The following MCC variants were observed in gnomAD, a reference collection of about 807,000 sequenced individuals.
The protein encoded by MCC is MCC regulator of Wnt signaling pathway, also known as colorectal mutant cancer protein.
Under a neutral mutation model 116.2 loss-of-function variants are expected in MCC, and 90 were observed. The ratio of observed to expected loss-of-function variants is 0.77; its 90% CI spans 0.65 to 0.92. The LOEUF is 0.92. Ranked by LOEUF, MCC falls within the 40% of genes least tolerant of loss-of-function variation. The pLI is 0.00. For missense variants in MCC, 1,516 were observed against 1,312.2 expected (o/e 1.16, Z -2.40); for synonymous variants, 578 against 510.5 (o/e 1.13, Z -1.78).
chr5:113,441,900 G>C (rs931691514), intron 1 of MCC, among the ~76,000 whole-genome samples: 1 of 152,144 alleles, frequency 6.6e-6, no homozygotes, highest in Non-Finnish European at 1.5e-5. Flanking sequence ...ATCATTGGTG[G>C]ACATTTGGAT....
intron 1 of MCC, among the ~76,000 whole-genome samples, chr5:113,388,636 C>T (rs1271969360): frequency 1.3e-5 from 2 of 152,212 alleles, no homozygotes; most frequent in African/African-American, 4.8e-5. Context: ...TGCCTTCCGC[C>T]ATGATTGGAA....
intron 1 of MCC, among the ~76,000 whole-genome samples, chr5:113,423,066 T>A (rs1226777700): frequency 6.6e-6 from 1 of 152,218 alleles, no homozygotes; most frequent in Non-Finnish European, 1.5e-5. Flanking sequence ...ATTTGAGTCG[T>A]CCAACACACA....
chr5:113,160,378 A>G (rs1038774808), intron 3 of MCC, among the ~76,000 whole-genome samples: 1 of 152,238 alleles, frequency 6.6e-6, no homozygotes, highest in African/African-American at 2.4e-5. Flanking sequence ...ACTGGCTAAC[A>G]CAACTGCTTG....
intron 10 of MCC, among the ~76,000 whole-genome samples, 174 bp downstream of exon 10, chr5:113,083,927 T>A (rs1287267690): frequency 6.6e-6 from 1 of 152,220 alleles, no homozygotes; most frequent in East Asian, 1.9e-4. Flanking sequence ...ACCATATGGA[T>A]GGAAATCATC....
intron 3 of MCC, among the ~76,000 whole-genome samples, chr5:113,209,805 C>A (rs751504043): frequency 6.6e-6 from 1 of 152,062 alleles, no homozygotes; most frequent in African/African-American, 2.4e-5. Context: ...CCATTGCATT[C>A]ATCTTATTTA....
chr5:113,482,575 T>C (rs980958011), intron 1 of MCC, among the ~76,000 whole-genome samples: 17 of 152,338 alleles, frequency 1.1e-4, no homozygotes, highest in Admixed American at 1.0e-3. Context: ...AAATGTCTAT[T>C]CAGATCCTTT....
At position 113,321,239 on chromosome 5, in the gene MCC, T is replaced by C. The variant is rs922951865; in HGVS notation, c.627+19280A>G. ...ATAAAACCAAAATATATCTTTTCTA[T>C]AGCTGAGTCTAAAAACCAAGTTTTC... On this transcript the variant is annotated intron_variant, in intron 3 of 18. Transcript: ENST00000408903. 5.3e-5 allele frequency among the ~76,000 whole-genome samples: 8 copies of C among 152,356 alleles called. No individual in the cohort carries two copies. The East Asian group carries it at 7.7e-4, about 15-fold the overall frequency.
chr5:113,430,799 A>G (rs556360879), intron 1 of MCC, among the ~76,000 whole-genome samples: 3 of 152,246 alleles, frequency 2.0e-5, no homozygotes, highest in African/African-American at 4.8e-5. Context: ...GCGTGAAGAG[A>G]CTGCAGATGG....
chr5:113,118,346 T>A (rs1209210382), intron 6 of MCC, among the ~76,000 whole-genome samples: 1 of 152,062 alleles, frequency 6.6e-6, no homozygotes, highest in African/African-American at 2.4e-5. Context: ...CGAGGTTTGA[T>A]AAGAGGTAAT....
intron 6 of MCC, among the ~76,000 whole-genome samples, chr5:113,118,293 G>C (rs146696782): frequency 3.9e-5 from 6 of 152,262 alleles, no homozygotes; most frequent in African/African-American, 1.2e-4. Context: ...TCCTACCTTG[G>C]CTTTGTCCAC....
intron 3 of MCC, among the ~76,000 whole-genome samples, chr5:113,264,223 C>T (rs748657685): frequency 7.2e-5 from 11 of 152,160 alleles, no homozygotes; most frequent in Admixed American, 5.9e-4. Flanking sequence ...CTTGCATTGA[C>T]GTTTACATAC....
chr5:113,442,870 G>T, intron 1 of MCC, among the ~76,000 whole-genome samples: 1 of 152,084 alleles, frequency 6.6e-6, no homozygotes, highest in East Asian at 1.9e-4. Flanking sequence ...AGCTGTTTTG[G>T]TACCAGTACC....
rs143941919 is a variant in MCC, at chr5:113,434,644, T to C, written c.171-49432A>G. 8.2e-4 allele frequency: 1,322 copies of C among 1,613,942 alleles called. 3 individuals are homozygous for C. The highest frequency in any genetic ancestry group is 9.9e-4 in the Middle Eastern group (6 of 6,060). On this transcript the variant is annotated intron_variant, in intron 1 of 18. Coordinates refer to ENST00000408903, the MANE Select transcript of MCC (RefSeq NM_001085377.2). The surrounding 1 kb of genome is among the most constrained non-coding windows in gnomAD (Gnocchi z 4.2). Reference sequence around the variant, plus strand: ...TTAATGATGGAGCAGTGGTTTAACATGGCCAGAATCTCAATTTCCCGGGGA... The same window carrying C: ...TTAATGATGGAGCAGTGGTTTAACACGGCCAGAATCTCAATTTCCCGGGGA...
chr5:113,143,497 G>GATGA, intron 4 of MCC, 137 bp from the exon 5 acceptor site: 3 of 880,558 alleles, frequency 3.4e-6, no homozygotes, highest in Non-Finnish European at 5.2e-6. Flanking sequence ...TCAGCTCATC[G>GATGA]GCTGGCAATC....
chr5:113,471,520 G>T (rs556929425), intron 1 of MCC, among the ~76,000 whole-genome samples: 7 of 152,036 alleles, frequency 4.6e-5, no homozygotes, highest in African/African-American at 1.4e-4. Flanking sequence ...CTGCCTGATC[G>T]TTCCTCTGGA....
chr5:113,271,725 T>C (rs1765625616), intron 3 of MCC, among the ~76,000 whole-genome samples: 1 of 152,152 alleles, frequency 6.6e-6, no homozygotes, highest in Non-Finnish European at 1.5e-5. Flanking sequence ...CCCTTACAAA[T>C]GGATTAATGA....
At chr5:113,337,024 T>C (rs1399257570) in intron 3 of MCC, among the ~76,000 whole-genome samples, 1 of 152,246 alleles carries the variant, frequency 6.6e-6, no homozygotes, top group South Asian at 2.1e-4. Context: ...TTTGTGGTCT[T>C]GGAGCTGGAC....
chr5:113,327,545 C>CAAAAAAAAAA (rs1189402090), intron 3 of MCC, among the ~76,000 whole-genome samples: 2 of 57,196 alleles, frequency 3.5e-5, no homozygotes, highest in Admixed American at 2.4e-4. Context: ...GACTCAGTCT[C>CAAAAAAAAAA]AAAAAAAAAA....
Position 113,434,564 on chromosome 5 carries a change from G to A in MCC, c.171-49352C>T, listed in dbSNP as rs201545567. The A allele has an allele frequency of 1.1e-4, 184 of 1,613,546 alleles. No homozygotes were observed. Among genetic ancestry groups the A allele is most frequent in the Middle Eastern group, 1.6e-4 (1 of 6,062 alleles). ...ACTCGAGGAGGTCGCCCTGGACCGC[G>A]AGCTCCATGACGATGTAGACCTTGC... On this transcript the variant is annotated intron_variant, in intron 1 of 18. Coordinates refer to ENST00000408903, the MANE Select transcript of MCC (RefSeq NM_001085377.2). This position sits in a 1 kb window ranked among gnomAD's most constrained non-coding sequence, Gnocchi z 4.2.
Sources: gnomAD v4.1 joint callset for allele counts (sites outside exome capture counted in the v4.1 genomes callset) on GRCh38, gnomAD v4.1.1 for gene constraint, Gnocchi (gnomAD v3.1) non-coding constraint, MANE v1.5 for transcripts, NCBI Gene and HGNC (gene_info 2026-07-23, HGNC 2026-07-21) for gene names.